The following AMMECR1 variants were observed in gnomAD, a reference collection of about 807,000 sequenced individuals.
AMMECR1 encodes nuclear protein AMMECR1.
Under a neutral mutation model 22.5 loss-of-function variants are expected in AMMECR1, and 3 were observed. The ratio of observed to expected loss-of-function variants is 0.13; its 90% CI spans 0.06 to 0.35. The LOEUF is 0.35. Ranked by LOEUF, AMMECR1 falls within the 10% of genes least tolerant of loss-of-function variation. The pLI is 1.00. For synonymous variants in AMMECR1, 130 were observed against 116.7 expected (o/e 1.11, Z -0.74); for missense variants, 235 against 278.7 (o/e 0.84, Z 1.12).
chrX:110,290,725 A>G (rs1361809732), intron 1 of AMMECR1, among the ~76,000 whole-genome samples: 1 of 111,651 alleles, frequency 9.0e-6, no homozygotes, highest in Non-Finnish European at 1.9e-5. Flanking sequence ...GAAATCAGGA[A>G]TTTTTAGGGC....
At chrX:110,296,766 C>A (rs533555104) in intron 1 of AMMECR1, among the ~76,000 whole-genome samples, 10 of 110,934 alleles carry the variant, frequency 9.0e-5, no homozygotes, top group African/African-American at 3.3e-4. Flanking sequence ...ACATCATTCT[C>A]TTACTTTCCT....
chrX:110,282,118 T>C (rs992833477), intron 1 of AMMECR1, among the ~76,000 whole-genome samples: 1 of 112,007 alleles, frequency 8.9e-6, no homozygotes, highest in Non-Finnish European at 1.9e-5. Context: ...CAGCTTTCTC[T>C]GACCTCTAGG....
Position 110,197,475 on chromosome X carries a change from T to C in AMMECR1, c.*1045A>G, listed in dbSNP as rs1277194664. The C allele has an allele frequency of 8.9e-6, 1 of 112,075 alleles. No individual in the cohort carries two copies. Among genetic ancestry groups the C allele is most frequent in the African/African-American group, 3.2e-5 (1 of 30,875 alleles). The allele number at this position is 112,075 out of a possible 1,213,427, so 9.2% of individuals were successfully genotyped here. A position where few individuals can be genotyped will look rare whatever the true frequency, so the allele number is the denominator to read the frequency against. ...TTAATATAAAATAGACAAATGTCTC[T>C]TATTGGTTATTTGCTCAAAATAATT... On this transcript the variant is annotated 3_prime_UTR_variant, in exon 6 of 6. Coordinates refer to ENST00000262844, the MANE Select transcript of AMMECR1 (RefSeq NM_015365.3).
chrX:110,304,631 T>C (rs935920898), intron 1 of AMMECR1, among the ~76,000 whole-genome samples: 3 of 112,093 alleles, frequency 2.7e-5, no homozygotes, highest in Non-Finnish European at 5.6e-5. Context: ...TTGTCAAGGT[T>C]TCATGACATT....
At chrX:110,214,647 T>TATG (rs2067464211) in intron 3 of AMMECR1, among the ~76,000 whole-genome samples, 2 of 111,881 alleles carry the variant, frequency 1.8e-5, no homozygotes, top group South Asian at 7.5e-4. Context: ...ATTCTCCCCT[T>TATG]TTTCCTTCCC....
intron 2 of AMMECR1, among the ~76,000 whole-genome samples, chrX:110,323,544 T>C (rs1569406906): frequency 1.8e-5 from 2 of 112,539 alleles, no homozygotes. Context: ...GTTCACATGA[T>C]GTTTTCAAGC....
chrX:110,397,831 C>T (rs1435819204), intron 2 of AMMECR1, among the ~76,000 whole-genome samples: 3 of 111,475 alleles, frequency 2.7e-5, no homozygotes, highest in Non-Finnish European at 5.7e-5. Flanking sequence ...CTGGGGACAG[C>T]ACAGATCTCC....
intron 1 of AMMECR1, among the ~76,000 whole-genome samples, chrX:110,316,306 C>T (rs1186212650): frequency 1.8e-5 from 2 of 111,602 alleles, no homozygotes; most frequent in African/African-American, 3.3e-5. Context: ...TAGTCCAATC[C>T]TCTAATCTCA....
At chrX:110,287,843 G>A (rs1011602068) in intron 1 of AMMECR1, among the ~76,000 whole-genome samples, 1 of 111,988 alleles carries the variant, frequency 8.9e-6, no homozygotes, top group African/African-American at 3.2e-5. Flanking sequence ...TAAACAAGAT[G>A]AGAAGCCAAA....
intron 1 of AMMECR1, among the ~76,000 whole-genome samples, chrX:110,305,225 T>C (rs551438970): frequency 1.3e-3 from 141 of 112,201 alleles, no homozygotes; most frequent in South Asian, 8.3e-3. Context: ...AAATGAAATA[T>C]TAGAACCAGT....
At chrX:110,263,564 T>G (rs1399768933) in intron 2 of AMMECR1, among the ~76,000 whole-genome samples, 5 of 111,935 alleles carry the variant, frequency 4.5e-5, no homozygotes, top group African/African-American at 1.6e-4. Context: ...TGAAGTAAAA[T>G]AGTGATTATT....
intron 1 of AMMECR1, among the ~76,000 whole-genome samples, chrX:110,303,386 T>C (rs919365581): frequency 3.6e-5 from 4 of 111,974 alleles, no homozygotes; most frequent in Non-Finnish European, 7.5e-5. Flanking sequence ...TTGTTTGAAG[T>C]CTGTGAAAAA....
Position 110,198,556 on chromosome X carries a change from A to C in AMMECR1, c.966T>G (p.Ile322Met). The C allele has an allele frequency of 2.5e-6, 3 of 1,201,524 alleles. No homozygotes were observed. Among genetic ancestry groups the C allele is most frequent in the Non-Finnish European group, 3.4e-6 (3 of 889,941 alleles). Residue 322 changes from isoleucine (I) to methionine (M), a missense_variant, in exon 6 of 6, where the codon ATT (isoleucine) becomes ATG (methionine). By Grantham distance (10) the Ile-to-Met change is conservative. Coordinates refer to ENST00000262844, the MANE Select transcript of AMMECR1 (RefSeq NM_015365.3). ...GGTTGTATGGCGGAAGGGGATGCCCAATGCCATTTTGGAAATGATGATGCT... is the reference window on the plus strand; with the variant it reads ...GGTTGTATGGCGGAAGGGGATGCCCCATGCCATTTTGGAAATGATGATGCT... ...HRQHHHFQNG[I>M]GHPLPPYNHY...
chrX:110,293,319 G>A (rs2067918450), intron 1 of AMMECR1, among the ~76,000 whole-genome samples: 1 of 111,572 alleles, frequency 9.0e-6, no homozygotes, highest in Non-Finnish European at 1.9e-5. Context: ...CATTCCAGGA[G>A]CACAGTTTTC....
chrX:110,339,275 G>A (rs1400327832), intron 2 of AMMECR1, among the ~76,000 whole-genome samples: 1 of 109,859 alleles, frequency 9.1e-6, no homozygotes, highest in Non-Finnish European at 1.9e-5. Context: ...AGAATGAAGG[G>A]TTCATTTCCT....
rs759853549 is a variant in AMMECR1, at chrX:110,423,185, G to A, written c.-148+3473C>T. Reference sequence around the variant, plus strand: ...CCTACTAAAAATACAAAAATTAGCCGGGGGTGGTGGAACATGCCTGTAATC... The same window carrying A: ...CCTACTAAAAATACAAAAATTAGCCAGGGGTGGTGGAACATGCCTGTAATC... On this transcript the variant is annotated intron_variant, in intron 2 of 7. Transcript: ENST00000372057. Among the ~76,000 whole-genome samples the A allele has an allele frequency of 3.2e-4, 36 of 111,143 alleles. 1 individual carries two copies. The highest frequency in any genetic ancestry group is 1.1e-3 in the African/African-American group (34 of 30,612).
At chrX:110,252,452 A>G (rs1285942314) in intron 2 of AMMECR1, among the ~76,000 whole-genome samples, 7 of 111,366 alleles carry the variant, frequency 6.3e-5, no homozygotes, top group Non-Finnish European at 1.3e-4. Context: ...TCACTATTAT[A>G]AAAATGACTG....
chrX:110,346,287 G>T (rs760357067), intron 2 of AMMECR1, among the ~76,000 whole-genome samples: 2 of 111,096 alleles, frequency 1.8e-5, no homozygotes, highest in Admixed American at 9.6e-5. Flanking sequence ...ACATGGATGA[G>T]TCAAAAAAAA....
At chrX:110,301,662 T>C (rs1221275853) in intron 1 of AMMECR1, among the ~76,000 whole-genome samples, 1 of 111,632 alleles carries the variant, frequency 9.0e-6, no homozygotes, top group Non-Finnish European at 1.9e-5. Flanking sequence ...GACTTGTACT[T>C]TCCCAGCCAA....
Sources: gnomAD v4.1 joint callset for allele counts (sites outside exome capture counted in the v4.1 genomes callset) on GRCh38, gnomAD v4.1.1 for gene constraint, MANE v1.5 for transcripts, NCBI Gene and HGNC (gene_info 2026-07-23, HGNC 2026-07-21) for gene names.